SASS6: variants seen among roughly 807,000 people sequenced by gnomAD.
The protein encoded by SASS6 is spindle assembly abnormal protein 6 homolog.
A neutral mutation model predicts 94.9 loss-of-function variants in SASS6; 59 were observed. That is an observed-to-expected ratio of 0.62 (90% CI 0.50 to 0.77). The LOEUF (loss-of-function observed/expected upper bound fraction) is 0.77, where lower values mean the gene tolerates loss of function less well. SASS6 is among the 30% of genes least tolerant of loss of function. The probability of loss-of-function intolerance (pLI) is 0.00; values close to 1 mark genes in which losing one functional copy is unlikely to be tolerated. For synonymous variants in SASS6, 264 were observed against 270.0 expected (o/e 0.98, Z 0.22); for missense variants, 698 against 734.1 (o/e 0.95, Z 0.57).
At position 100,117,237 on chromosome 1, in the gene SASS6, A is replaced by G. The variant is rs576527359; in HGVS notation, c.669+1781T>C. ...AACCTGGGAGGCAAAGGTTGCAATG[A>G]GCCAAATCATGCCATTGCACTCCAG... is the stretch of plus-strand genomic sequence containing the variant. On this transcript the variant is annotated intron_variant, in intron 7 of 16. Coordinates refer to ENST00000287482, the MANE Select transcript of SASS6 (RefSeq NM_194292.3). Among the ~76,000 whole-genome samples the G allele has an allele frequency of 4.0e-5, 6 of 151,640 alleles. No individual in the cohort carries two copies. In the South Asian group the frequency reaches 1.3e-3, roughly 32 times the overall value.
intron 13 of SASS6, among the ~76,000 whole-genome samples, chr1:100,105,062 CTTTCT>C (rs957578194): frequency 4.6e-5 from 7 of 151,986 alleles, no homozygotes; most frequent in African/African-American, 1.7e-4. Context: ...TTCTTTTTTA[CTTTCT>C]TTTCTTTTTC....
intron 14 of SASS6, among the ~76,000 whole-genome samples, chr1:100,093,753 C>T (rs1651922023): frequency 6.6e-6 from 1 of 151,528 alleles, no homozygotes; most frequent in Non-Finnish European, 1.5e-5. Context: ...ACAGTGTGAC[C>T]CTGTCTCAAA....
chr1:100,091,052 C>G (rs867792469), intron 14 of SASS6, among the ~76,000 whole-genome samples: 13 of 152,098 alleles, frequency 8.5e-5, no homozygotes, highest in Non-Finnish European at 2.9e-5. Context: ...CGCATGTGAT[C>G]CCAGCATTTT....
intron 7 of SASS6, among the ~76,000 whole-genome samples, chr1:100,113,434 C>T (rs1275916651): frequency 2.0e-5 from 3 of 151,946 alleles, no homozygotes; most frequent in Non-Finnish European, 4.4e-5. Flanking sequence ...CGGTGAAACC[C>T]TGTCTCTACT....
At chr1:100,100,052 G>A (rs1021222583) in intron 14 of SASS6, among the ~76,000 whole-genome samples, 6 of 152,046 alleles carry the variant, frequency 3.9e-5, no homozygotes, top group Non-Finnish European at 7.4e-5. Flanking sequence ...GATCACTTGA[G>A]GTCAGGAGTT....
At chr1:100,094,393 G>C (rs956108780) in intron 14 of SASS6, among the ~76,000 whole-genome samples, 1 of 152,070 alleles carries the variant, frequency 6.6e-6, no homozygotes, top group Non-Finnish European at 1.5e-5. Context: ...AAAATATAAA[G>C]CAACTCTATA....
chr1:100,116,985 T>A (rs1043223224), intron 7 of SASS6, among the ~76,000 whole-genome samples: 4 of 151,994 alleles, frequency 2.6e-5, no homozygotes, highest in Admixed American at 6.6e-5. Context: ...AAAACAACAA[T>A]AAAATGTAAT....
intron 2 of SASS6, among the ~76,000 whole-genome samples, chr1:100,124,935 TAGG>T (rs1177190595): frequency 1.3e-5 from 2 of 152,102 alleles, no homozygotes; most frequent in Admixed American, 1.3e-4. Flanking sequence ...AGGTGGATCG[TAGG>T]AGGTTACACT....
At chr1:100,090,146 G>A (rs554521321) in intron 14 of SASS6, among the ~76,000 whole-genome samples, 1 of 151,982 alleles carries the variant, frequency 6.6e-6, no homozygotes, top group East Asian at 1.9e-4. Context: ...AAACTAACTG[G>A]AAAGAAGGCA....
Position 100,120,446 on chromosome 1 carries a change from G to A in SASS6, c.497C>T (p.Ser166Leu). Residue 166 changes from serine (S) to leucine (L), a missense_variant, in exon 6 of 17, where the codon TCA (serine) becomes TTA (leucine). Physicochemically the swap from Ser to Leu is moderately radical, Grantham distance 145 (BLOSUM62 -2). Coordinates refer to ENST00000287482, the MANE Select transcript of SASS6 (RefSeq NM_194292.3). ...AGCATCATCTAGTGATTGCATCAAT[G>A]ATAATTTTTCTTCCTATTCATAAAA... ...CLKCSKEEKLSLMQSLDDATK... is the reference protein window; with the variant it reads ...CLKCSKEEKLLLMQSLDDATK... 6.9e-7 allele frequency: 1 copy of A among 1,448,762 alleles called. No homozygotes were observed. The highest frequency in any genetic ancestry group is 1.1e-5 in the South Asian group (1 of 87,168). 89.7% of individuals were successfully genotyped at this position (1,448,762 alleles called of 1,614,324 possible). A position where few individuals can be genotyped will look rare whatever the true frequency, so the allele number is the denominator to read the frequency against.
intron 4 of SASS6, among the ~76,000 whole-genome samples, chr1:100,121,971 T>C (rs79554280): frequency 6.6e-6 from 1 of 152,194 alleles, no homozygotes; most frequent in Non-Finnish European, 1.5e-5. Context: ...AGAAGCATCA[T>C]TTTGTTCTTC....
intron 7 of SASS6, among the ~76,000 whole-genome samples, 165 bp downstream of exon 7, chr1:100,118,853 G>A (rs1412169635): frequency 6.6e-6 from 1 of 152,008 alleles, no homozygotes; most frequent in African/African-American, 2.4e-5. Context: ...AATGTTTATA[G>A]ATTATCTCTA....
At chr1:100,113,660 G>T (rs1653561663) in intron 7 of SASS6, among the ~76,000 whole-genome samples, 2 of 148,682 alleles carry the variant, frequency 1.3e-5, no homozygotes, top group Admixed American at 1.3e-4. Flanking sequence ...AAAAAGAAAA[G>T]GTAGTAAATA....
chr1:100,122,158 C>T (rs763846108), intron 4 of SASS6, among the ~76,000 whole-genome samples: 2 of 152,144 alleles, frequency 1.3e-5, no homozygotes, highest in Non-Finnish European at 2.9e-5. Context: ...CTAAATATTT[C>T]GGATGACTTT....
intron 14 of SASS6, chr1:100,099,182 G>A (rs1652298118): frequency 6.6e-6 from 1 of 152,358 alleles, no homozygotes; most frequent in Non-Finnish European, 1.5e-5. Context: ...ACACACTGTG[G>A]GCCAAACACT....
Position 100,088,128 on chromosome 1 carries a change from T to G in SASS6, c.1772+11A>C, listed in dbSNP as rs764562864. The G allele has an allele frequency of 8.3e-6, 12 of 1,454,272 alleles. No individual in the cohort carries two copies. In the East Asian group the frequency reaches 2.7e-4, roughly 33 times the overall value. 90.1% of individuals were successfully genotyped at this position (1,454,272 alleles called of 1,614,324 possible). On this transcript the variant is annotated intron_variant, in intron 15 of 16. Transcript: ENST00000287482. ...TTGCAAACATTAAATTTTATGTCAT[T>G]AAGCACTTACTTTTCCTTATCAGTT...
chr1:100,125,703 T>G (rs1439284215), intron 2 of SASS6, among the ~76,000 whole-genome samples, 179 bp downstream of exon 2: 2 of 147,918 alleles, frequency 1.4e-5, no homozygotes. Context: ...ATATATAGTA[T>G]AATTATCCTT....
chr1:100,106,627 G>A (rs1652930996), intron 12 of SASS6, among the ~76,000 whole-genome samples: 1 of 152,106 alleles, frequency 6.6e-6, no homozygotes, highest in South Asian at 2.1e-4. Context: ...CAAGGCGGGT[G>A]GATCACTTGA....
intron 14 of SASS6, among the ~76,000 whole-genome samples, chr1:100,101,329 T>C (rs926860700): frequency 4.7e-5 from 7 of 149,450 alleles, no homozygotes; most frequent in Admixed American, 4.7e-4. Flanking sequence ...TGTTCTGTTT[T>C]AGGGTTTTTT....
Sources: gnomAD v4.1 joint callset for allele counts (sites outside exome capture counted in the v4.1 genomes callset) on GRCh38, gnomAD v4.1.1 for gene constraint, MANE v1.5 for transcripts, NCBI Gene and HGNC (gene_info 2026-07-23, HGNC 2026-07-21) for gene names.